Variants in TMC7 observed in about 807,000 individuals in gnomAD.
TMC7 encodes the protein transmembrane channel-like protein 7.
Under a neutral mutation model 82.9 loss-of-function variants are expected in TMC7, and 54 were observed. The observed-to-expected ratio is 0.65, with a 90% CI of 0.52 to 0.82. The LOEUF is 0.82. Ranked by LOEUF, TMC7 falls within the 40% of genes least tolerant of loss-of-function variation. The pLI is 0.00. For missense variants in TMC7, 820 were observed against 901.2 expected, an observed-to-expected ratio of 0.91 and a Z score of 1.15; for synonymous variants, 350 against 337.9, an observed-to-expected ratio of 1.04 and a Z score of -0.39.
At chr16:19,053,307 C>CTTTTTTTT (rs11409750) in intron 13 of TMC7, among the ~76,000 whole-genome samples, 1 of 148,424 alleles carries the variant, frequency 6.7e-6, no homozygotes. Flanking sequence ...CATTAATATT[C>CTTTTTTTT]TTTTTTTTTT....
Position 19,051,830 on chromosome 16 carries a change from T to G in TMC7, c.1871+14T>G. On this transcript the variant is annotated intron_variant, in intron 13 of 15. Coordinates refer to ENST00000304381, the MANE Select transcript of TMC7 (RefSeq NM_024847.4). Reference sequence around the variant, plus strand: ...CAGCATATCACGGTAAATGTGACTTTGTTTTCTAGAACATTTCATTGCTTC... The same window carrying G: ...CAGCATATCACGGTAAATGTGACTTGGTTTTCTAGAACATTTCATTGCTTC... 6.2e-7 allele frequency: 1 copy of G among 1,613,882 alleles called. No homozygotes were observed. The highest frequency in any genetic ancestry group is 8.5e-7 in the Non-Finnish European group (1 of 1,179,812).
At chr16:19,022,840 C>T (rs55743338) in intron 4 of TMC7, among the ~76,000 whole-genome samples, 20,700 of 152,038 alleles carry the variant, frequency 0.14, 1,865 homozygotes, top group Middle Eastern at 0.24. Context: ...ACCAGCCTGG[C>T]GAAACCCCAT....
chr16:19,028,560 T>A (rs1960342997), intron 5 of TMC7, among the ~76,000 whole-genome samples: 1 of 152,168 alleles, frequency 6.6e-6, no homozygotes, highest in African/African-American at 2.4e-5. Flanking sequence ...AGGATGATGT[T>A]GAATCTGTAA....
At chr16:19,030,578 CTT>C (rs572433772) in intron 6 of TMC7, among the ~76,000 whole-genome samples, 26 of 135,322 alleles carry the variant, frequency 1.9e-4, no homozygotes, top group Admixed American at 4.5e-4. Context: ...TGAGGTTCTT[CTT>C]TTTTTTTTTT....
chr16:19,039,914 G>A (rs1312073941), intron 8 of TMC7, among the ~76,000 whole-genome samples: 1 of 151,890 alleles, frequency 6.6e-6, no homozygotes, highest in East Asian at 1.9e-4. Context: ...TCAGGAGTTT[G>A]AGACCAGCCT....
At chr16:19,055,365 CT>C (rs374170173) in intron 13 of TMC7, among the ~76,000 whole-genome samples, 39 of 150,796 alleles carry the variant, frequency 2.6e-4, no homozygotes, top group Non-Finnish European at 5.0e-4. Context: ...TTTAGTATAG[CT>C]TTTTTTTTGG....
intron 12 of TMC7, 60 bp from the exon 13 acceptor site, chr16:19,051,622 CTTAT>C: frequency 6.3e-7 from 1 of 1,586,082 alleles, no homozygotes; most frequent in Non-Finnish European, 8.6e-7. Flanking sequence ...CAGGAATGCA[CTTAT>C]TTATCTTCAC....
At chr16:19,045,103 G>A (rs1466136277) in intron 10 of TMC7, 102 bp downstream of exon 10, 2 of 1,004,610 alleles carry the variant, frequency 2.0e-6, no homozygotes, top group South Asian at 1.3e-5. Flanking sequence ...AACTGCATTT[G>A]CTTCGCTTTC....
chr16:19,028,381 TA>T (rs11367912), intron 5 of TMC7, among the ~76,000 whole-genome samples: 45,714 of 151,156 alleles, frequency 0.3, 7,138 homozygotes, highest in Non-Finnish European at 0.33. Context: ...CTTTTTTATT[TA>T]AAAAAAAAGA....
chr16:19,047,359 A>C, intron 12 of TMC7, 110 bp downstream of exon 12: 1 of 907,668 alleles, frequency 1.1e-6, no homozygotes, highest in Non-Finnish European at 1.7e-6. Context: ...TCAAAATTAC[A>C]TCCTTTATTT....
chr16:18,989,245 T>C (rs1230213355), intron 1 of TMC7, among the ~76,000 whole-genome samples: 1 of 152,118 alleles, frequency 6.6e-6, no homozygotes, highest in Non-Finnish European at 1.5e-5. Flanking sequence ...GAGGCAGGTC[T>C]GGACAGAGCT....
At chr16:19,011,249 G>A (rs1472707604) in intron 2 of TMC7, among the ~76,000 whole-genome samples, 2 of 152,172 alleles carry the variant, frequency 1.3e-5, no homozygotes, top group Non-Finnish European at 2.9e-5. Context: ...TTGGGTGGTA[G>A]CTTGCCATCT....
chr16:19,024,488 G>T (rs1330740971), intron 5 of TMC7, among the ~76,000 whole-genome samples: 2 of 152,234 alleles, frequency 1.3e-5, no homozygotes, highest in African/African-American at 2.4e-5. Context: ...TTGCAGCTAT[G>T]AAAAGTGGCT....
At chr16:19,056,834 G>A in intron 14 of TMC7, 137 bp downstream of exon 14, 2 of 1,015,292 alleles carry the variant, frequency 2.0e-6, no homozygotes, top group Non-Finnish European at 2.9e-6. Flanking sequence ...CTCTAAAATG[G>A]GCATAATAGG....
intron 1 of TMC7, among the ~76,000 whole-genome samples, chr16:19,007,117 G>A (rs1361196189): frequency 6.6e-6 from 1 of 152,058 alleles, no homozygotes; most frequent in Non-Finnish European, 1.5e-5. Context: ...GAGCCACCGT[G>A]CCTGGCTGTC....
intron 15 of TMC7, chr16:19,060,110 G>C (rs11074358): frequency 0.55 from 88,033 of 160,522 alleles, 25,923 homozygotes; most frequent in East Asian, 0.81. Flanking sequence ...ATTAATTATA[G>C]CTTCTATGAA....
intron 2 of TMC7, among the ~76,000 whole-genome samples, chr16:19,010,153 CCTCCT>C (rs1350969310): frequency 7.1e-6 from 1 of 140,242 alleles, no homozygotes; most frequent in Non-Finnish European, 1.6e-5. Flanking sequence ...CCTCCCCTCC[CCTCCT>C]CTCCTCTCCT....
At chr16:19,011,674 T>C (rs566414552) in intron 2 of TMC7, among the ~76,000 whole-genome samples, 25 of 152,200 alleles carry the variant, frequency 1.6e-4, no homozygotes, top group Admixed American at 7.9e-4. Flanking sequence ...GCTATGATTC[T>C]GCCACTACCC....
intron 2 of TMC7, among the ~76,000 whole-genome samples, chr16:19,014,599 C>T (rs1959579742): frequency 6.6e-6 from 1 of 152,162 alleles, no homozygotes; most frequent in Admixed American, 6.5e-5. Context: ...GCCTTCAGGC[C>T]CCAGCACCTT....
Sources: gnomAD v4.1 joint callset for allele counts (sites outside exome capture counted in the v4.1 genomes callset) on GRCh38, gnomAD v4.1.1 for gene constraint, MANE v1.5 for transcripts, NCBI Gene and HGNC (gene_info 2026-07-23, HGNC 2026-07-21) for gene names.